The following DNAH11 variants were observed in gnomAD, a reference collection of about 807,000 sequenced individuals.
The protein encoded by DNAH11 is dynein axonemal heavy chain 11.
In DNAH11, 442 loss-of-function variants were observed where a neutral mutation model predicts 526.0. The observed-to-expected ratio is 0.84, with a 90% CI of 0.78 to 0.91. The LOEUF is 0.91. DNAH11 is among the 40% of genes least tolerant of loss of function. The pLI, the probability that DNAH11 is intolerant of heterozygous loss-of-function variation, is 0.00. For synonymous variants in DNAH11, 2,461 were observed against 1,935.9 expected, an observed-to-expected ratio of 1.27 and a Z score of -7.12; for missense variants, 6,989 against 5,448.7, an observed-to-expected ratio of 1.28 and a Z score of -8.90.
At position 21,866,582 on chromosome 7, in the gene DNAH11, A is replaced by C; in HGVS notation, c.11609A>C (p.Gln3870Pro). The C allele has an allele frequency of 1.2e-6, 2 of 1,613,916 alleles. No homozygotes were observed. The highest frequency in any genetic ancestry group is 1.7e-6 in the Non-Finnish European group (2 of 1,179,862). Residue 3870 changes from glutamine to proline, a missense_variant, in exon 71 of 82, where the codon CAA becomes CCA. Gln to Pro is a moderately conservative substitution (Grantham distance 76). Transcript: ENST00000409508. ...SECPEKEKLP[Q>P]EWKKKSLIQK... ...TGTCCAGAAAAAGAAAAATTACCTC[A>C]AGAATGGAAGAAGAAAAGTTTAATA...
At chr7:21,707,358 C>A (rs574482007) in intron 39 of DNAH11, among the ~76,000 whole-genome samples, 166 of 152,328 alleles carry the variant, frequency 1.1e-3, no homozygotes, top group African/African-American at 3.9e-3. Context: ...CTTGCTGATT[C>A]AGGCAGGGTA....
In DNAH11 at chr7:21,690,993, A is replaced by C. The variant is rs981278531; in HGVS notation, c.6041+112A>C. The C allele has an allele frequency of 4.0e-6, 3 of 754,696 alleles. No individual in the cohort carries two copies. The South Asian group carries it at 5.4e-5, about 13-fold the overall frequency. 46.7% of individuals were successfully genotyped at this position (754,696 alleles called of 1,614,324 possible). A position where few individuals can be genotyped will look rare whatever the true frequency, so the allele number is the denominator to read the frequency against. On this transcript the variant is annotated intron_variant, in intron 35 of 81. Coordinates refer to ENST00000409508, the MANE Select transcript of DNAH11 (RefSeq NM_001277115.2). ...CTTGAAAATTCCTAAGGAAAATCCT[A>C]TATGATTTCCTTGGGCTCCTTTTAT...
In DNAH11 at chr7:21,813,578, G is replaced by A. The variant is rs533898439; in HGVS notation, c.10333-2889G>A. Among the ~76,000 whole-genome samples, 6 of 152,276 alleles carry A rather than the reference G, an allele frequency of 3.9e-5. No homozygotes were observed. The South Asian group carries it at 1.2e-3, about 32-fold the overall frequency. On this transcript the variant is annotated intron_variant, in intron 63 of 81. Coordinates refer to ENST00000409508, the MANE Select transcript of DNAH11 (RefSeq NM_001277115.2). ...CTTTTTTCTTAGGAATATGCCAGTTGGTCAGTTTTTAGAGGCCAGATGGGC... is the reference window on the plus strand; with the variant it reads ...CTTTTTTCTTAGGAATATGCCAGTTAGTCAGTTTTTAGAGGCCAGATGGGC...
At position 21,816,603 on chromosome 7, in the gene DNAH11, A is replaced by G; in HGVS notation, c.10469A>G (p.Glu3490Gly). 6.2e-7 allele frequency: 1 copy of G among 1,613,778 alleles called. No individual in the cohort carries two copies. Among genetic ancestry groups the G allele is most frequent in the Non-Finnish European group, 8.5e-7 (1 of 1,179,824 alleles). ...TENAAILTHC[E>G]RWPLVIDPQQ... ...AATGCCGCTATCCTAACACACTGTGAGCGCTGGCCTCTGGTGATAGATCCC... is the reference window on the plus strand; with the variant it reads ...AATGCCGCTATCCTAACACACTGTGGGCGCTGGCCTCTGGTGATAGATCCC... The change falls in exon 64 of 82, where the codon GAG becomes GGG. Residue 3490 changes from glutamate to glycine, a missense_variant. Glu to Gly is a moderately conservative substitution (Grantham distance 98, BLOSUM62 -2). Coordinates refer to ENST00000409508, the MANE Select transcript of DNAH11 (RefSeq NM_001277115.2).
intron 76 of DNAH11, among the ~76,000 whole-genome samples, chr7:21,889,271 T>C (rs564422228): frequency 1.3e-5 from 2 of 152,384 alleles, no homozygotes; most frequent in East Asian, 1.9e-4. Flanking sequence ...TGTATGGACA[T>C]AGCACATTTT....
At chr7:21,878,224 T>A (rs1783792010) in intron 74 of DNAH11, among the ~76,000 whole-genome samples, 1 of 152,220 alleles carries the variant, frequency 6.6e-6, no homozygotes, top group African/African-American at 2.4e-5. Flanking sequence ...TGATTCATAT[T>A]TTTTTCCTGC....
intron 30 of DNAH11, among the ~76,000 whole-genome samples, chr7:21,668,468 G>A (rs1012953503): frequency 6.6e-6 from 1 of 152,108 alleles, no homozygotes; most frequent in Non-Finnish European, 1.5e-5. Flanking sequence ...TCCTTTGAAA[G>A]TTTGTACTCA....
chr7:21,637,431 T>C (rs1375277626), intron 26 of DNAH11, among the ~76,000 whole-genome samples, 180 bp from the exon 27 acceptor site: 1 of 152,228 alleles, frequency 6.6e-6, no homozygotes, highest in Non-Finnish European at 1.5e-5. Context: ...TACATTGCTT[T>C]TGATCTTCAT....
chr7:21,740,215 T>G (rs1583647706), intron 48 of DNAH11, among the ~76,000 whole-genome samples: 1 of 152,312 alleles, frequency 6.6e-6, no homozygotes, highest in East Asian at 1.9e-4. Context: ...TTTCTATTAT[T>G]ATTGTTGTAA....
chr7:21,762,402 C>CT (rs909661481), intron 54 of DNAH11, among the ~76,000 whole-genome samples: 3 of 152,090 alleles, frequency 2.0e-5, no homozygotes, highest in African/African-American at 2.4e-5. Context: ...ATAAAAGATG[C>CT]TTTTTTTCCT....
chr7:21,750,005 ATTCTTACAC>A (rs1786341713), intron 53 of DNAH11, among the ~76,000 whole-genome samples: 1 of 152,214 alleles, frequency 6.6e-6, no homozygotes, highest in Admixed American at 6.5e-5. Context: ...AGTAAATGTT[ATTCTTACAC>A]GTACGGGTGT....
rs754803477 is a variant in DNAH11, at chr7:21,655,863, G to A, written c.4976G>A (p.Ser1659Asn). 24 of 1,613,178 alleles carry A rather than the reference G, an allele frequency of 1.5e-5. No homozygotes were observed. The highest frequency in any genetic ancestry group is 2.0e-5 in the Non-Finnish European group (24 of 1,179,490). The change falls in exon 29 of 82, where the codon AGC becomes AAC. Residue 1659 changes from serine (S) to asparagine (N), a missense_variant. Physicochemically the swap from Ser to Asn is conservative, Grantham distance 46. Coordinates refer to ENST00000409508, the MANE Select transcript of DNAH11 (RefSeq NM_001277115.2). ...VTCHLAKLFDSIADLQFEDNQ... is the reference protein window; with the variant it reads ...VTCHLAKLFDNIADLQFEDNQ... Reference sequence around the variant, plus strand: ...TGTCACCTTGCCAAACTTTTCGACAGCATTGCAGATCTGCAGTTTGAAGAC... The same window carrying A: ...TGTCACCTTGCCAAACTTTTCGACAACATTGCAGATCTGCAGTTTGAAGAC...
In DNAH11 at chr7:21,807,951, C is replaced by T; in HGVS notation, c.10234C>T (p.Leu3412Phe). Residue 3412 changes from leucine to phenylalanine, a missense_variant, in exon 63 of 82, where the codon CTT (leucine) becomes TTT (phenylalanine). Leu to Phe is a conservative substitution (Grantham distance 22). Transcript: ENST00000409508. ...AQEKTLCGDV[L>F]LTAAFVSYVG... ...AGAGAAGACACTCTGTGGAGATGTT[C>T]TTCTCACGGCGGCATTTGTGTCTTA... is the stretch of plus-strand genomic sequence containing the variant. The T allele has an allele frequency of 3.7e-6, 6 of 1,609,260 alleles. No individual in the cohort carries two copies. Among genetic ancestry groups the T allele is most frequent in the Non-Finnish European group, 5.1e-6 (6 of 1,176,804 alleles).
At chr7:21,729,583 C>T (rs1003719905) in intron 45 of DNAH11, among the ~76,000 whole-genome samples, 1 of 152,170 alleles carries the variant, frequency 6.6e-6, no homozygotes, top group African/African-American at 2.4e-5. Flanking sequence ...GAAATCTCCT[C>T]AGTTAAGTAC....
At chr7:21,619,753 G>C (rs1785949647) in intron 24 of DNAH11, among the ~76,000 whole-genome samples, 1 of 152,130 alleles carries the variant, frequency 6.6e-6, no homozygotes, top group Non-Finnish European at 1.5e-5. Flanking sequence ...TTTGATGTTA[G>C]TGTGATGCTC....
intron 61 of DNAH11, among the ~76,000 whole-genome samples, chr7:21,800,228 G>T (rs903001727): frequency 1.3e-5 from 2 of 152,148 alleles, no homozygotes; most frequent in Non-Finnish European, 2.9e-5. Flanking sequence ...CTGTGCCCCA[G>T]TGGAAGGTGT....
intron 73 of DNAH11, among the ~76,000 whole-genome samples, chr7:21,871,443 G>A (rs547962108): frequency 1.4e-4 from 22 of 152,192 alleles, no homozygotes; most frequent in Non-Finnish European, 2.2e-4. Flanking sequence ...TGTGCTCCAC[G>A]ATGGCTTGCT....
Position 21,901,762 on chromosome 7 carries a change from G to GT in DNAH11, c.*509dup, listed in dbSNP as rs1784876460. 6.4e-5 allele frequency: 1 copy of GT among 15,544 alleles called. No individual in the cohort carries two copies. The highest frequency in any genetic ancestry group is 1.7e-3 in the Non-Finnish European group (1 of 586). 1.0% of individuals were successfully genotyped at this position (15,544 alleles called of 1,614,324 possible). A position where few individuals can be genotyped will look rare whatever the true frequency, so the allele number is the denominator to read the frequency against. On this transcript the variant is annotated 3_prime_UTR_variant, in exon 82 of 82. Coordinates refer to ENST00000409508, the MANE Select transcript of DNAH11 (RefSeq NM_001277115.2). ...AGGCTAGCACTCTGTAAGGCCTCCAGTGTCCAGTGTCTACAATGTTGATGG... is the reference window on the plus strand; with the variant it reads ...AGGCTAGCACTCTGTAAGGCCTCCAGTTGTCCAGTGTCTACAATGTTGATGG...
At chr7:21,613,025 TATACG>T (rs1670705412) in intron 20 of DNAH11, among the ~76,000 whole-genome samples, 2 of 152,106 alleles carry the variant, frequency 1.3e-5, no homozygotes, top group African/African-American at 4.8e-5. Flanking sequence ...CGTAAAATAC[TATACG>T]ATAGGGAACG....
Sources: allele counts gnomAD v4.1 joint callset (sites outside exome capture counted in the v4.1 genomes callset), GRCh38; gene constraint gnomAD v4.1.1; transcripts MANE v1.5; gene names NCBI Gene and HGNC (gene_info 2026-07-23, HGNC 2026-07-21).